HOOK1: variants seen among roughly 807,000 people sequenced by gnomAD.
The protein encoded by HOOK1 is protein Hook homolog 1.
Under a neutral mutation model 112.8 loss-of-function variants are expected in HOOK1, and 60 were observed. The ratio of observed to expected loss-of-function variants is 0.53; its 90% CI spans 0.43 to 0.66. The LOEUF (loss-of-function observed/expected upper bound fraction) is 0.66. HOOK1 is among the 30% of genes least tolerant of loss of function. The pLI is 0.00. For synonymous variants in HOOK1, 294 were observed against 283.8 expected, an observed-to-expected ratio of 1.04 and a Z score of -0.36; for missense variants, 770 against 856.0, an observed-to-expected ratio of 0.90 and a Z score of 1.25.
At chr1:59,856,926 T>C (rs1157446081) in intron 12 of HOOK1, among the ~76,000 whole-genome samples, 1 of 152,146 alleles carries the variant, frequency 6.6e-6, no homozygotes, top group African/African-American at 2.4e-5. Context: ...TGTACTTGGC[T>C]GACCTTCGAG....
chr1:59,839,836 T>C (rs894929959), intron 7 of HOOK1, among the ~76,000 whole-genome samples: 4 of 152,204 alleles, frequency 2.6e-5, no homozygotes, highest in African/African-American at 9.6e-5. Context: ...TTGTCATAAA[T>C]AGCTCTTATT....
chr1:59,843,017 C>G (rs77246126), intron 8 of HOOK1, among the ~76,000 whole-genome samples: 1 of 151,924 alleles, frequency 6.6e-6, no homozygotes, highest in African/African-American at 2.4e-5. Flanking sequence ...CTCAACCTAT[C>G]ATGATAACTT....
chr1:59,819,386 G>A (rs924413983), intron 1 of HOOK1, among the ~76,000 whole-genome samples: 4 of 152,048 alleles, frequency 2.6e-5, no homozygotes, highest in Admixed American at 1.3e-4. Context: ...CTCACCTCAA[G>A]TGATCCACCT....
chr1:59,846,621 T>C (rs1470622305), intron 9 of HOOK1, among the ~76,000 whole-genome samples: 2 of 111,610 alleles, frequency 1.8e-5, no homozygotes, highest in Non-Finnish European at 3.6e-5. Context: ...TCTCTCTCTC[T>C]CATTCTTTCT....
At chr1:59,860,842 C>T (rs181096143) in intron 15 of HOOK1, among the ~76,000 whole-genome samples, 18 of 150,936 alleles carry the variant, frequency 1.2e-4, no homozygotes, top group East Asian at 5.8e-4. Flanking sequence ...AGCGCGATCT[C>T]GGCTCACTGC....
At chr1:59,823,135 A>G (rs924090623) in intron 2 of HOOK1, among the ~76,000 whole-genome samples, 4 of 152,202 alleles carry the variant, frequency 2.6e-5, no homozygotes, top group Non-Finnish European at 5.9e-5. Context: ...CCTGGCTAAC[A>G]TGGTGAAACC....
At chr1:59,841,001 C>T (rs1247225350) in intron 8 of HOOK1, among the ~76,000 whole-genome samples, 1 of 152,104 alleles carries the variant, frequency 6.6e-6, no homozygotes, top group Non-Finnish European at 1.5e-5. Context: ...GCTCCAGGCA[C>T]ATTACTTAAT....
intron 12 of HOOK1, among the ~76,000 whole-genome samples, chr1:59,857,593 CACCTACGG>C (rs1402248387): frequency 6.6e-6 from 1 of 152,178 alleles, no homozygotes; most frequent in African/African-American, 2.4e-5. Context: ...ATCCTTAAGG[CACCTACGG>C]ACCCCTTGAA....
chr1:59,853,200 A>C (rs1354623669), intron 12 of HOOK1, among the ~76,000 whole-genome samples: 1 of 152,066 alleles, frequency 6.6e-6, no homozygotes, highest in African/African-American at 2.4e-5. Context: ...TCTATTATTG[A>C]AAGTAGGATA....
chr1:59,867,578 C>G (rs926475660), intron 19 of HOOK1, among the ~76,000 whole-genome samples: 13 of 152,104 alleles, frequency 8.5e-5, no homozygotes, highest in Admixed American at 3.3e-4. Context: ...ATGGTTTTTG[C>G]TTGAAATATA....
chr1:59,855,655 CA>C (rs1280003500), intron 12 of HOOK1, among the ~76,000 whole-genome samples: 1 of 151,642 alleles, frequency 6.6e-6, no homozygotes, highest in East Asian at 1.9e-4. Context: ...TAAAATTTGG[CA>C]AGTTTTTAGC....
chr1:59,858,345 C>G (rs1285079697), intron 12 of HOOK1, 83 bp from the exon 13 acceptor site: 1 of 851,638 alleles, frequency 1.2e-6, no homozygotes, highest in Non-Finnish European at 2.0e-6. Context: ...AATTATTAAA[C>G]TAGTTAAGAT....
intron 7 of HOOK1, among the ~76,000 whole-genome samples, chr1:59,838,872 G>A (rs2098399447): frequency 6.6e-6 from 1 of 152,116 alleles, no homozygotes; most frequent in Non-Finnish European, 1.5e-5. Flanking sequence ...GTTGATTTTT[G>A]TATAAGATGT....
chr1:59,828,758 A>G, intron 2 of HOOK1, 22 bp from the exon 3 acceptor site: 2 of 1,597,226 alleles, frequency 1.3e-6, no homozygotes, highest in East Asian at 2.2e-5. Context: ...CATCTTTAGT[A>G]TTTTTTTTGT....
intron 6 of HOOK1, 51 bp downstream of exon 6, chr1:59,835,463 C>T (rs771342563): frequency 5.0e-6 from 5 of 1,002,136 alleles, no homozygotes; most frequent in African/African-American, 1.7e-5. Flanking sequence ...CCAAATTATA[C>T]AAAACTTTTC....
At chr1:59,854,663 T>C (rs2102055899) in intron 12 of HOOK1, among the ~76,000 whole-genome samples, 1 of 152,312 alleles carries the variant, frequency 6.6e-6, no homozygotes, top group South Asian at 2.1e-4. Context: ...CTGTTAATCT[T>C]ATTAAGGCTC....
chr1:59,814,973 C>T lies in HOOK1; in HGVS notation c.-145C>T. 1.3e-6 allele frequency: 1 copy of T among 760,700 alleles called. No homozygotes were observed. The highest frequency in any genetic ancestry group is 1.7e-5 in the South Asian group (1 of 57,570). The allele number at this position is 760,700 out of a possible 1,614,324, so 47.1% of individuals were successfully genotyped here. On this transcript the variant is annotated 5_prime_UTR_variant, in exon 1 of 22. Transcript: ENST00000371208. Reference sequence around the variant, plus strand: ...GGTGACGCCGGACGCGTCGACAGCGCGAGGGTTCGCGCGTGAGCTGCGCGG... The same window carrying T: ...GGTGACGCCGGACGCGTCGACAGCGTGAGGGTTCGCGCGTGAGCTGCGCGG...
intron 19 of HOOK1, among the ~76,000 whole-genome samples, chr1:59,866,691 C>T (rs1442687324): frequency 6.6e-6 from 1 of 152,166 alleles, no homozygotes; most frequent in Admixed American, 6.6e-5. Context: ...CTTTCACTCC[C>T]ACTTTGGAGC....
At chr1:59,869,270 C>T (rs1032584739) in intron 20 of HOOK1, among the ~76,000 whole-genome samples, 5 of 151,922 alleles carry the variant, frequency 3.3e-5, no homozygotes, top group Non-Finnish European at 5.9e-5. Context: ...CAGCTCACTG[C>T]AACCTCCGCC....
Sources: gnomAD v4.1 joint callset for allele counts (sites outside exome capture counted in the v4.1 genomes callset) on GRCh38, gnomAD v4.1.1 for gene constraint, MANE v1.5 for transcripts, NCBI Gene and HGNC (gene_info 2026-07-23, HGNC 2026-07-21) for gene names.